PIK3CB: variants seen among roughly 807,000 people sequenced by gnomAD.
PIK3CB encodes phosphatidylinositol-4,5-bisphosphate 3-kinase catalytic subunit beta.
In PIK3CB, 39 loss-of-function variants were observed where a neutral mutation model predicts 136.8. The ratio of observed to expected loss-of-function variants is 0.29; its 90% CI spans 0.22 to 0.37. The LOEUF (loss-of-function observed/expected upper bound fraction) is 0.37. Ranked by LOEUF, PIK3CB falls within the 10% of genes least tolerant of loss-of-function variation. PIK3CB has a pLI of 1.00. For missense variants in PIK3CB, 868 were observed against 1,275.4 expected (o/e 0.68, Z 4.87); for synonymous variants, 428 against 436.6 (o/e 0.98, Z 0.25).
intron 10 of PIK3CB, among the ~76,000 whole-genome samples, chr3:138,708,242 C>T (rs1383078184): frequency 2.0e-5 from 3 of 150,222 alleles, no homozygotes; most frequent in South Asian, 2.1e-4. Flanking sequence ...TCTCACCTCA[C>T]GGACTCAATT....
At position 138,688,996 on chromosome 3, in the gene PIK3CB, T is replaced by C. The variant is rs185521467; in HGVS notation, c.2037-22A>G. 232 of 1,434,434 alleles carry C rather than the reference T, an allele frequency of 1.6e-4. 5 individuals carry two copies. The South Asian group carries it at 2.6e-3, about 16-fold the overall frequency. The allele number at this position is 1,434,434 out of a possible 1,614,324, so 88.9% of individuals were successfully genotyped here. On this transcript the variant is annotated intron_variant, in intron 15 of 23. Transcript: ENST00000674063. ...TGACCTGCAGAAAGTTAATGATATC[T>C]GAACAGTTTGTTTATCAAACACTTC...
At chr3:138,712,040 T>G (rs1280581324) in intron 10 of PIK3CB, among the ~76,000 whole-genome samples, 168 bp downstream of exon 10, 1 of 151,946 alleles carries the variant, frequency 6.6e-6, no homozygotes, top group East Asian at 1.9e-4. Flanking sequence ...AAACAAGTAA[T>G]TTTATGATAA....
intron 16 of PIK3CB, among the ~76,000 whole-genome samples, chr3:138,687,505 C>G (rs2043920273): frequency 6.6e-6 from 1 of 152,132 alleles, no homozygotes; most frequent in Non-Finnish European, 1.5e-5. Flanking sequence ...TGCTCTGTTG[C>G]CCAGGCTAGG....
chr3:138,707,504 T>C, intron 10 of PIK3CB: 1 of 1,314,274 alleles, frequency 7.6e-7, no homozygotes, highest in Non-Finnish European at 9.7e-7. Context: ...AATGAGAAAG[T>C]TAACAAAACT....
Position 138,704,449 on chromosome 3 carries a change from A to G in PIK3CB, c.1575T>C (p.Asn525=), listed in dbSNP as rs2044321282. 1 of 1,601,776 alleles carries G rather than the reference A, an allele frequency of 6.2e-7. No individual in the cohort carries two copies. The change falls in exon 12 of 24, where the codon AAT becomes AAC. Residue 525 remains asparagine (N), a synonymous_variant. Transcript: ENST00000674063. ...AAEIASSDSA[N]VSSRGGKKFL... is the part of the protein sequence containing the mutation. ...TAAAACTCTTGATACTTACTGACACATTAGCACTATCACTGCTTGCAATCT... is the reference window on the plus strand; with the variant it reads ...TAAAACTCTTGATACTTACTGACACGTTAGCACTATCACTGCTTGCAATCT...
intron 2 of PIK3CB, among the ~76,000 whole-genome samples, chr3:138,784,623 G>T (rs962728090): frequency 2.6e-4 from 40 of 152,322 alleles, no homozygotes; most frequent in Non-Finnish European, 4.9e-4. Flanking sequence ...TGGAGACGGG[G>T]TTTCGCCCTG....
chr3:138,809,328 G>T (rs767446867), intron 1 of PIK3CB, among the ~76,000 whole-genome samples: 1 of 151,366 alleles, frequency 6.6e-6, no homozygotes, highest in African/African-American at 2.4e-5. Context: ...AAATTAAGCC[G>T]GGCGCAGTGG....
At chr3:138,759,443 T>C (rs1008104887) in intron 2 of PIK3CB, 84 bp from the exon 3 acceptor site, 9 of 837,688 alleles carry the variant, frequency 1.1e-5, no homozygotes, top group African/African-American at 1.7e-5. Flanking sequence ...TAATCTACAA[T>C]TAGTCCTTAG....
chr3:138,825,961 C>T (rs1933767050), intron 1 of PIK3CB: 1 of 1,559,604 alleles, frequency 6.4e-7, no homozygotes, highest in Non-Finnish European at 8.6e-7. Context: ...CAGCTGGCTT[C>T]ACTGCTCAAG....
At chr3:138,811,240 C>CAA (rs558228212) in intron 1 of PIK3CB, among the ~76,000 whole-genome samples, 519 of 23,422 alleles carry the variant, frequency 0.022, 135 homozygotes, top group Non-Finnish European at 0.027. Flanking sequence ...AAGACTCTGC[C>CAA]AAAAAAAAAA....
chr3:138,763,126 GTATGTA>G (rs2045685457), intron 2 of PIK3CB, among the ~76,000 whole-genome samples: 1 of 143,630 alleles, frequency 7.0e-6, no homozygotes, highest in South Asian at 2.1e-4. Context: ...AAGTTAGTAT[GTATGTA>G]TGTATGTATG....
chr3:138,777,284 G>A (rs1378252077), intron 2 of PIK3CB, among the ~76,000 whole-genome samples: 1 of 152,190 alleles, frequency 6.6e-6, no homozygotes, highest in African/African-American at 2.4e-5. Flanking sequence ...ACCTCTAATA[G>A]AATACAGCAG....
At chr3:138,753,232 C>T (rs2045505175) in intron 4 of PIK3CB, among the ~76,000 whole-genome samples, 1 of 151,636 alleles carries the variant, frequency 6.6e-6, no homozygotes, top group Non-Finnish European at 1.5e-5. Flanking sequence ...AAAATAAAAA[C>T]AAAAACAGCT....
At chr3:138,655,963 C>T (rs28763908) in intron 23 of PIK3CB, among the ~76,000 whole-genome samples, 179 bp downstream of exon 23, 1 of 152,264 alleles carries the variant, frequency 6.6e-6, no homozygotes, top group Non-Finnish European at 1.5e-5. Context: ...TTCTGGGTTA[C>T]AAGCTACTCT....
chr3:138,711,809 C>T (rs1165353429), intron 10 of PIK3CB, among the ~76,000 whole-genome samples: 3 of 151,804 alleles, frequency 2.0e-5, no homozygotes, highest in Non-Finnish European at 4.4e-5. Flanking sequence ...GTTTAAAATA[C>T]TAACTTGTTA....
intron 2 of PIK3CB, among the ~76,000 whole-genome samples, chr3:138,781,552 A>C (rs1576410207): frequency 6.6e-6 from 1 of 151,762 alleles, no homozygotes; most frequent in East Asian, 1.9e-4. Flanking sequence ...TCCCGGGTTC[A>C]GGTGATTCTC....
intron 2 of PIK3CB, among the ~76,000 whole-genome samples, chr3:138,761,441 A>G (rs567943520): frequency 2.1e-4 from 32 of 152,378 alleles, no homozygotes; most frequent in African/African-American, 7.2e-4. Context: ...TAGGAGACAC[A>G]GCCAAATCCA....
rs192283718 is a variant in PIK3CB at position 138,714,458 on chromosome 3, A to G, written c.1302+10T>C. 1.2e-3 allele frequency: 1,871 copies of G among 1,577,128 alleles called. 4 individuals are homozygous for G. Among genetic ancestry groups the G allele is most frequent in the Middle Eastern group, 2.6e-3 (15 of 5,798 alleles). On this transcript the variant is annotated intron_variant, in intron 9 of 23. Coordinates refer to ENST00000674063, the MANE Select transcript of PIK3CB (RefSeq NM_006219.3). ...TATAAAACAATCCTCAGAAGTTGGTATATCATTACCACTTTTCCAGCTTTC... is the reference window on the plus strand; with the variant it reads ...TATAAAACAATCCTCAGAAGTTGGTGTATCATTACCACTTTTCCAGCTTTC...
chr3:138,686,765 A>G (rs1409333858), intron 16 of PIK3CB, among the ~76,000 whole-genome samples: 3 of 152,192 alleles, frequency 2.0e-5, no homozygotes, highest in Admixed American at 6.5e-5. Flanking sequence ...AACCACTAAG[A>G]CTATGTAGGG....
Sources: allele counts gnomAD v4.1 joint callset (sites outside exome capture counted in the v4.1 genomes callset), GRCh38; gene constraint gnomAD v4.1.1; transcripts MANE v1.5; gene names NCBI Gene and HGNC (gene_info 2026-07-23, HGNC 2026-07-21).